Variants in NRCAM observed in about 807,000 individuals in gnomAD.
The protein encoded by NRCAM is NgCAM-related cell adhesion molecule.
Under a neutral mutation model 156.5 loss-of-function variants are expected in NRCAM, and 83 were observed. The observed-to-expected ratio is 0.53, with a 90% CI of 0.44 to 0.64. The LOEUF (loss-of-function observed/expected upper bound fraction) is 0.64. Ranked by LOEUF, NRCAM falls within the 30% of genes least tolerant of loss-of-function variation. The pLI, the probability that NRCAM is intolerant of heterozygous loss-of-function variation, is 0.00. For missense variants in NRCAM, 1,417 were observed against 1,597.3 expected, an observed-to-expected ratio of 0.89 and a Z score of 1.92; for synonymous variants, 538 against 563.9, an observed-to-expected ratio of 0.95 and a Z score of 0.65.
At chr7:108,420,086 C>T (rs1807366489) in intron 1 of NRCAM, among the ~76,000 whole-genome samples, 1 of 147,766 alleles carries the variant, frequency 6.8e-6, no homozygotes, top group African/African-American at 2.5e-5. Context: ...TTTTAATTTT[C>T]AAGTATTTGA....
At chr7:108,379,840 G>A (rs990601146) in intron 2 of NRCAM, among the ~76,000 whole-genome samples, 5 of 151,958 alleles carry the variant, frequency 3.3e-5, no homozygotes, top group Admixed American at 1.3e-4. Context: ...ATTACAGCAC[G>A]AGCAGAGGGA....
intron 1 of NRCAM, among the ~76,000 whole-genome samples, chr7:108,442,869 T>C (rs1375474787): frequency 6.6e-6 from 1 of 152,222 alleles, no homozygotes; most frequent in African/African-American, 2.4e-5. Flanking sequence ...TTCACCTCAC[T>C]TCCTTGTGTG....
At chr7:108,336,878 G>C (rs1282479332) in intron 2 of NRCAM, among the ~76,000 whole-genome samples, 1 of 152,050 alleles carries the variant, frequency 6.6e-6, no homozygotes, top group Non-Finnish European at 1.5e-5. Context: ...AAGATAACTA[G>C]ATAAGATAGA....
chr7:108,453,060 A>C (rs1852320462), intron 1 of NRCAM, among the ~76,000 whole-genome samples: 2 of 152,216 alleles, frequency 1.3e-5, no homozygotes, highest in African/African-American at 4.8e-5. Context: ...ATGTAGCTAG[A>C]TGATAAAATT....
chr7:108,353,741 G>T (rs547906058), intron 2 of NRCAM, among the ~76,000 whole-genome samples: 1 of 152,248 alleles, frequency 6.6e-6, no homozygotes, highest in Non-Finnish European at 1.5e-5. Flanking sequence ...CATGGCAGGT[G>T]TACAATTATT....
intron 3 of NRCAM, among the ~76,000 whole-genome samples, chr7:108,249,875 T>C (rs573529778): frequency 4.6e-5 from 7 of 152,230 alleles, no homozygotes; most frequent in Non-Finnish European, 7.3e-5. Flanking sequence ...TCCATTGTGA[T>C]GATTTAAAAG....
intron 2 of NRCAM, among the ~76,000 whole-genome samples, chr7:108,387,079 A>G (rs1352127115): frequency 1.3e-5 from 2 of 152,118 alleles, no homozygotes; most frequent in African/African-American, 4.8e-5. Flanking sequence ...AAAAATTTCC[A>G]ATATCCTCCT....
intron 1 of NRCAM, among the ~76,000 whole-genome samples, chr7:108,449,178 C>G (rs1847682646): frequency 6.6e-6 from 1 of 152,240 alleles, no homozygotes; most frequent in Non-Finnish European, 1.5e-5. Context: ...CGCTTGGGCA[C>G]TCAACATTTC....
intron 2 of NRCAM, among the ~76,000 whole-genome samples, chr7:108,345,345 G>A (rs578043586): frequency 4.6e-5 from 7 of 152,104 alleles, no homozygotes; most frequent in Admixed American, 6.5e-5. Context: ...AAATCCCATG[G>A]GAAGTGTTTT....
At chr7:108,415,585 T>C (rs1800515146) in intron 1 of NRCAM, among the ~76,000 whole-genome samples, 1 of 152,084 alleles carries the variant, frequency 6.6e-6, no homozygotes, top group Non-Finnish European at 1.5e-5. Context: ...TTTCTACCCA[T>C]AAAAAGGAGA....
At chr7:108,455,721 G>A (rs1322000694) in intron 1 of NRCAM, among the ~76,000 whole-genome samples, 2 of 152,194 alleles carry the variant, frequency 1.3e-5, no homozygotes, top group East Asian at 1.9e-4. Flanking sequence ...GCCCAGACGT[G>A]TCCGCAGGGG....
intron 3 of NRCAM, among the ~76,000 whole-genome samples, chr7:108,257,612 C>T (rs181621534): frequency 5.8e-4 from 88 of 151,550 alleles, no homozygotes; most frequent in African/African-American, 2.0e-3. Flanking sequence ...CAGCAGCCTA[C>T]TCTAATGAAA....
chr7:108,181,656 C>T (rs1179214590), intron 24 of NRCAM, among the ~76,000 whole-genome samples, 166 bp downstream of exon 24: 1 of 150,134 alleles, frequency 6.7e-6, no homozygotes, highest in Non-Finnish European at 1.5e-5. Context: ...GATTTCAAGT[C>T]AACTCTGGCA....
chr7:108,423,214 T>C (rs1440868274), intron 1 of NRCAM, among the ~76,000 whole-genome samples: 1 of 151,886 alleles, frequency 6.6e-6, no homozygotes, highest in African/African-American at 2.4e-5. Flanking sequence ...AATACAAAGA[T>C]CAGAGGTAGC....
intron 1 of NRCAM, among the ~76,000 whole-genome samples, chr7:108,410,053 A>G (rs1793442164): frequency 6.6e-6 from 1 of 152,202 alleles, no homozygotes; most frequent in East Asian, 1.9e-4. Flanking sequence ...TGAGCCATTA[A>G]AAACTATAGG....
intron 2 of NRCAM, among the ~76,000 whole-genome samples, chr7:108,398,972 G>C (rs2099784391): frequency 6.6e-6 from 1 of 152,188 alleles, no homozygotes; most frequent in South Asian, 2.1e-4. Flanking sequence ...GTTTAGAAAA[G>C]TAGAAATTGT....
chr7:108,192,387 AAT>A (rs888353551), intron 17 of NRCAM, among the ~76,000 whole-genome samples: 4 of 152,066 alleles, frequency 2.6e-5, no homozygotes, highest in East Asian at 1.9e-4. Context: ...TACATGTAAT[AAT>A]ATATATATGT....
At chr7:108,199,932 A>G (rs1329344025) in intron 13 of NRCAM, among the ~76,000 whole-genome samples, 1 of 152,204 alleles carries the variant, frequency 6.6e-6, no homozygotes, top group African/African-American at 2.4e-5. Flanking sequence ...TTAGACTAGA[A>G]TATTTTAAAA....
chr7:108,452,561 C>CAGGAA (rs1851692049), intron 1 of NRCAM, among the ~76,000 whole-genome samples: 1 of 152,072 alleles, frequency 6.6e-6, no homozygotes, highest in Non-Finnish European at 1.5e-5. Context: ...CCTCACCTGC[C>CAGGAA]AGGAAGGTTC....
Sources: gnomAD v4.1 joint callset for allele counts (sites outside exome capture counted in the v4.1 genomes callset) on GRCh38, gnomAD v4.1.1 for gene constraint, MANE v1.5 for transcripts, NCBI Gene and HGNC (gene_info 2026-07-23, HGNC 2026-07-21) for gene names.